Variants in ABCA13 observed in about 807,000 individuals in gnomAD.
ABCA13 encodes ATP-binding cassette sub-family A member 13.
ABCA13 carries 476 observed loss-of-function variants against 478.7 expected under a neutral mutation model. That is an observed-to-expected ratio of 0.99 (90% CI 0.92 to 1.07). The LOEUF is 1.07. ABCA13 is among the 50% of genes least tolerant of loss of function. The pLI is 0.00. For synonymous variants in ABCA13, 2,252 were observed against 2,158.9 expected (o/e 1.04, Z -1.20); for missense variants, 6,060 against 5,910.6 (o/e 1.03, Z -0.83).
intron 55 of ABCA13, among the ~76,000 whole-genome samples, chr7:48,542,156 C>T (rs1397707221): frequency 6.6e-6 from 1 of 151,408 alleles, no homozygotes; most frequent in Non-Finnish European, 1.5e-5. Context: ...TTGGGAAAAC[C>T]AGAAAGAGAA....
intron 15 of ABCA13, among the ~76,000 whole-genome samples, chr7:48,251,915 A>G (rs147063229): frequency 4.1e-4 from 62 of 152,204 alleles, no homozygotes; most frequent in African/African-American, 1.4e-3. Flanking sequence ...GCTCCATTGT[A>G]TGTTATGAGT....
intron 27 of ABCA13, among the ~76,000 whole-genome samples, chr7:48,321,010 A>G (rs1213306919): frequency 1.3e-5 from 2 of 152,226 alleles, no homozygotes; most frequent in Non-Finnish European, 2.9e-5. Context: ...CCAGAAATGC[A>G]TTCTGCCATT....
At position 48,412,518 on chromosome 7, in the gene ABCA13, C is replaced by G. The variant is rs2129097982; in HGVS notation, c.12394C>G (p.Leu4132Val). ...CTGCTTGAAAGGGCTCTTCCAGGCC[C>G]TGGATGAGAACCTGCATCAGCTGCA... ...KACLKGLFQA[L>V]DENLHQLHLT... Residue 4132 changes from leucine (L) to valine (V), a missense_variant, in exon 41 of 62, where the codon CTG becomes GTG. By Grantham distance (32) the Leu-to-Val change is conservative. Coordinates refer to ENST00000435803, the MANE Select transcript of ABCA13 (RefSeq NM_152701.5). 1.2e-6 allele frequency: 2 copies of G among 1,613,362 alleles called. No homozygotes were observed. The highest frequency in any genetic ancestry group is 1.7e-6 in the Non-Finnish European group (2 of 1,179,746).
intron 31 of ABCA13, among the ~76,000 whole-genome samples, chr7:48,364,870 G>A (rs1181356823): frequency 6.6e-6 from 1 of 152,100 alleles, no homozygotes; most frequent in Admixed American, 6.6e-5. Context: ...CAATAAACAT[G>A]GGAGTGCACA....
chr7:48,540,702 T>A (rs1034663916), intron 55 of ABCA13, among the ~76,000 whole-genome samples: 4 of 152,120 alleles, frequency 2.6e-5, no homozygotes, highest in Admixed American at 6.5e-5. Context: ...CTCTTTTACT[T>A]TCCTGTTTAA....
intron 2 of ABCA13, among the ~76,000 whole-genome samples, chr7:48,194,777 G>A (rs972175282): frequency 6.8e-5 from 5 of 73,722 alleles, no homozygotes; most frequent in African/African-American, 2.8e-4. Context: ...ATTGTGTGTT[G>A]CAGAATGGAA....
chr7:48,279,509 T>C lies in ABCA13; in HGVS notation c.8315T>C (p.Leu2772Ser), dbSNP rs1796742594. Residue 2772 changes from leucine (L) to serine (S), a missense_variant, in exon 18 of 62, where the codon TTG becomes TCG. Physicochemically the swap from Leu to Ser is moderately radical, Grantham distance 145. Coordinates refer to ENST00000435803, the MANE Select transcript of ABCA13 (RefSeq NM_152701.5). ...TTTACTCAGCATCCAAATAACCTTT[T>C]GAAAACCATAGAAACAGTTTTAGAG... ...MTFTQHPNNL[L>S]KTIETVLEAS... 6.2e-7 allele frequency: 1 copy of C among 1,613,340 alleles called. No individual in the cohort carries two copies. The highest frequency in any genetic ancestry group is 8.5e-7 in the Non-Finnish European group (1 of 1,179,602).
At chr7:48,327,625 A>G (rs930968011) in intron 27 of ABCA13, among the ~76,000 whole-genome samples, 1 of 152,252 alleles carries the variant, frequency 6.6e-6, no homozygotes, top group Non-Finnish European at 1.5e-5. Flanking sequence ...AGTTTATTAG[A>G]TGATAAACAG....
intron 41 of ABCA13, among the ~76,000 whole-genome samples, chr7:48,416,743 C>G (rs1272905344): frequency 1.3e-5 from 2 of 152,034 alleles, no homozygotes; most frequent in Non-Finnish European, 2.9e-5. Context: ...AGAGGCTGCA[C>G]CTTTTGCTTC....
In ABCA13 at chr7:48,520,127, C is replaced by A; in HGVS notation, c.13884C>A (p.Cys4628Ter). ...FCLGQGLVEL[C>*]YNQIKYDLTH... is the part of the protein sequence containing the mutation. Reference sequence around the variant, plus strand: ...TTGGTCAAGGACTGGTAGAACTCTGCTATAATCAGATCAAATATGACCTGA... The same window carrying A: ...TTGGTCAAGGACTGGTAGAACTCTGATATAATCAGATCAAATATGACCTGA... The change falls in exon 53 of 62, where the codon TGC becomes TGA. Residue 4628 changes from cysteine (C) to a stop codon, truncating the protein, a stop_gained. Coordinates refer to ENST00000435803, the MANE Select transcript of ABCA13 (RefSeq NM_152701.5). LOFTEE classifies it high-confidence loss of function. 1 of 1,613,552 alleles carries A rather than the reference C, an allele frequency of 6.2e-7. No homozygotes were observed. The highest frequency in any genetic ancestry group is 8.5e-7 in the Non-Finnish European group (1 of 1,179,774).
chr7:48,431,512 G>C (rs1822150701), intron 42 of ABCA13, among the ~76,000 whole-genome samples: 1 of 152,128 alleles, frequency 6.6e-6, no homozygotes, highest in Non-Finnish European at 1.5e-5. Context: ...GTAATATTTA[G>C]TTTGTGTGTA....
At chr7:48,172,536 C>T (rs574716987) in intron 1 of ABCA13, among the ~76,000 whole-genome samples, 2 of 152,184 alleles carry the variant, frequency 1.3e-5, no homozygotes, top group South Asian at 4.2e-4. Flanking sequence ...TGGCTCACGC[C>T]TGTAATCCCA....
intron 31 of ABCA13, among the ~76,000 whole-genome samples, chr7:48,353,647 C>T (rs915164468): frequency 2.6e-5 from 4 of 151,616 alleles, no homozygotes; most frequent in African/African-American, 7.3e-5. Context: ...ATGTCTTGAC[C>T]CCTCCTTCCT....
At chr7:48,347,040 A>C (rs1374236735) in intron 29 of ABCA13, among the ~76,000 whole-genome samples, 1 of 152,198 alleles carries the variant, frequency 6.6e-6, no homozygotes, top group African/African-American at 2.4e-5. Flanking sequence ...AGAAATCAGA[A>C]GAACCCTCAA....
intron 3 of ABCA13, among the ~76,000 whole-genome samples, chr7:48,214,032 A>T (rs1277427809): frequency 1.3e-5 from 2 of 152,222 alleles, no homozygotes; most frequent in African/African-American, 4.8e-5. Flanking sequence ...CTATAGCTTT[A>T]TGAAATTCAT....
chr7:48,492,296 C>G (rs570971202), intron 48 of ABCA13, among the ~76,000 whole-genome samples: 14 of 152,264 alleles, frequency 9.2e-5, no homozygotes. Context: ...CCTGTCTTCT[C>G]CTGCATCACC....
intron 37 of ABCA13, among the ~76,000 whole-genome samples, chr7:48,390,312 C>T (rs1815847646): frequency 6.6e-6 from 1 of 152,190 alleles, no homozygotes; most frequent in Non-Finnish European, 1.5e-5. Context: ...GCTGCCTCCA[C>T]CTGGCAATTC....
intron 16 of ABCA13, among the ~76,000 whole-genome samples, chr7:48,270,291 C>T (rs1272032081): frequency 1.3e-5 from 2 of 151,936 alleles, no homozygotes; most frequent in Non-Finnish European, 2.9e-5. Context: ...GAAATAATGA[C>T]GTGTACTTCA....
In ABCA13 at chr7:48,313,129, C is replaced by T. The variant is rs769844776; in HGVS notation, c.9579C>T (p.Leu3193=). ...CCTTGCTGGATATAGTTTCCAGCCTCAGCGCCTTGCTTGCCAAAGCCCAGC... is the reference window on the plus strand; with the variant it reads ...CCTTGCTGGATATAGTTTCCAGCCTTAGCGCCTTGCTTGCCAAAGCCCAGC... ...LNSLLDIVSS[L]SALLAKAQHV... The change falls in exon 25 of 62, where the codon CTC becomes CTT. Residue 3193 remains leucine (L), a synonymous_variant. Coordinates refer to ENST00000435803, the MANE Select transcript of ABCA13 (RefSeq NM_152701.5). The T allele has an allele frequency of 1.2e-6, 2 of 1,613,050 alleles. No homozygotes were observed. Among genetic ancestry groups the T allele is most frequent in the Admixed American group, 1.7e-5 (1 of 59,876 alleles).
Sources: gnomAD v4.1 joint callset for allele counts (sites outside exome capture counted in the v4.1 genomes callset) on GRCh38, gnomAD v4.1.1 for gene constraint, MANE v1.5 for transcripts, NCBI Gene and HGNC (gene_info 2026-07-23, HGNC 2026-07-21) for gene names.